The following TBX15 variants were observed in gnomAD, a reference collection of about 807,000 sequenced individuals.
The protein encoded by TBX15 is T-box transcription factor TBX15.
TBX15 carries 18 observed loss-of-function variants against 53.9 expected under a neutral mutation model. The ratio of observed to expected loss-of-function variants is 0.33; its 90% CI spans 0.23 to 0.49. TBX15 has a LOEUF of 0.49. TBX15 is among the 20% of genes least tolerant of loss of function. The pLI is 0.98. For missense variants in TBX15, 692 were observed against 749.5 expected (o/e 0.92, Z 0.90); for synonymous variants, 295 against 278.0 (o/e 1.06, Z -0.61).
chr1:118,887,119 G>T (rs562299378), intron 7 of TBX15, among the ~76,000 whole-genome samples: 1 of 152,308 alleles, frequency 6.6e-6, no homozygotes, highest in Non-Finnish European at 1.5e-5. Flanking sequence ...GGGCTGCGGG[G>T]CCCTTTATTT....
intron 1 of TBX15, among the ~76,000 whole-genome samples, chr1:118,943,970 C>T (rs900179710): frequency 2.6e-5 from 4 of 152,118 alleles, no homozygotes; most frequent in Non-Finnish European, 4.4e-5. Flanking sequence ...ACCTCATCCA[C>T]CATCCCACAC....
intron 1 of TBX15, among the ~76,000 whole-genome samples, chr1:118,954,155 C>T (rs576859925): frequency 1.7e-4 from 26 of 152,264 alleles, no homozygotes; most frequent in Admixed American, 2.6e-4. Flanking sequence ...GACTAAATAT[C>T]GCAAATCAAC....
intron 1 of TBX15, among the ~76,000 whole-genome samples, chr1:118,972,068 G>C (rs1657250991): frequency 6.6e-6 from 1 of 152,218 alleles, no homozygotes; most frequent in Non-Finnish European, 1.5e-5. Context: ...ACCTTTGAGA[G>C]TTGCAGAATA....
intron 7 of TBX15, 94 bp from the exon 8 acceptor site, chr1:118,885,610 G>T: frequency 6.8e-7 from 1 of 1,462,934 alleles, no homozygotes; most frequent in East Asian, 2.5e-5. Flanking sequence ...GCCTTCAAAT[G>T]TCCAAGATAG....
intron 7 of TBX15, among the ~76,000 whole-genome samples, chr1:118,897,721 G>A (rs1048767302): frequency 6.6e-6 from 1 of 152,074 alleles, no homozygotes; most frequent in African/African-American, 2.4e-5. Context: ...TTAAGCCCCT[G>A]TCTCTTAATG....
At chr1:118,961,825 C>T (rs1656886728) in intron 1 of TBX15, among the ~76,000 whole-genome samples, 1 of 152,206 alleles carries the variant, frequency 6.6e-6, no homozygotes, top group Non-Finnish European at 1.5e-5. Context: ...GATTAAGGCA[C>T]TATCCCTGTC....
chr1:118,968,027 A>G (rs1417623069), intron 1 of TBX15, among the ~76,000 whole-genome samples: 1 of 152,212 alleles, frequency 6.6e-6, no homozygotes, highest in African/African-American at 2.4e-5. Context: ...ATTCTCAGTT[A>G]TGACATTTGT....
intron 1 of TBX15, among the ~76,000 whole-genome samples, chr1:118,974,532 G>C (rs1410117824): frequency 6.6e-6 from 1 of 152,130 alleles, no homozygotes; most frequent in Non-Finnish European, 1.5e-5. Flanking sequence ...ACTTGGAGTG[G>C]AGAAAAAGTA....
Position 118,885,045 on chromosome 1 carries a change from C to T in TBX15, c.1496G>A (p.Ser499Asn). ...SSSSPHMFGG[S>N]HMQQSSYNAF... ...ATTGTAGGAGCTCTGCTGCATGTGG[C>T]TGCCCCCGAACATGTGTGGTGATGA... Residue 499 changes from serine to asparagine, a missense_variant, in exon 8 of 8, where the codon AGC becomes AAC. Coordinates refer to ENST00000369429, the MANE Select transcript of TBX15 (RefSeq NM_001330677.2). The T allele has an allele frequency of 6.2e-7, 1 of 1,614,146 alleles. No homozygotes were observed. Among genetic ancestry groups the T allele is most frequent in the Non-Finnish European group, 8.5e-7 (1 of 1,180,024 alleles).
At chr1:118,924,180 A>G (rs1230953713) in intron 4 of TBX15, among the ~76,000 whole-genome samples, 2 of 152,342 alleles carry the variant, frequency 1.3e-5, no homozygotes, top group Non-Finnish European at 2.9e-5. Context: ...TTTCACTGCC[A>G]AAGATAAATT....
intron 4 of TBX15, 99 bp downstream of exon 4, chr1:118,924,547 A>T: frequency 7.1e-7 from 1 of 1,415,236 alleles, no homozygotes; most frequent in Non-Finnish European, 1.0e-6. Flanking sequence ...TGGCATAGAG[A>T]TTCCTTATTT....
At chr1:118,982,547 T>G (rs1657682913) in intron 1 of TBX15, among the ~76,000 whole-genome samples, 1 of 152,236 alleles carries the variant, frequency 6.6e-6, no homozygotes, top group South Asian at 2.1e-4. Flanking sequence ...TTTACACTCA[T>G]GAAGCACATT....
intron 7 of TBX15, among the ~76,000 whole-genome samples, chr1:118,890,443 G>A (rs1266155052): frequency 6.6e-6 from 1 of 152,000 alleles, no homozygotes; most frequent in East Asian, 1.9e-4. Context: ...GCATCTGTAG[G>A]ATCTGTAGGA....
At chr1:118,987,180 G>A (rs1483529367) in intron 1 of TBX15, among the ~76,000 whole-genome samples, 1 of 152,196 alleles carries the variant, frequency 6.6e-6, no homozygotes, top group Non-Finnish European at 1.5e-5. Context: ...CGAAGACTGA[G>A]GTATTGGATT....
chr1:118,899,035 C>T lies in TBX15; in HGVS notation c.1017G>A (p.Lys339=). 11 of 1,613,572 alleles carry T rather than the reference C, an allele frequency of 6.8e-6. No individual in the cohort carries two copies. The highest frequency in any genetic ancestry group is 9.3e-6 in the Non-Finnish European group (11 of 1,179,712). The part of the protein sequence containing the change: ...LTFEDFTTMQ[K]QQGGSTGTSP... ...CTTGCTCCAGGGCTTTACCTTGCTGCTTCTGCATGGTGGTGAAGTCTTCGA... is the reference window on the plus strand; with the variant it reads ...CTTGCTCCAGGGCTTTACCTTGCTGTTTCTGCATGGTGGTGAAGTCTTCGA... Residue 339 remains lysine (K), a synonymous_variant, in exon 7 of 8, where the codon AAG becomes AAA. Coordinates refer to ENST00000369429, the MANE Select transcript of TBX15 (RefSeq NM_001330677.2).
In TBX15 at chr1:118,885,107, C is replaced by T. The variant is rs2101421185; in HGVS notation, c.1434G>A (p.Gln478=). ...CAGCATTGCCTGCCTGCATGACATACTGAAACTGGGAAGTGGGAAAGGACC... is the reference window on the plus strand; with the variant it reads ...CAGCATTGCCTGCCTGCATGACATATTGAAACTGGGAAGTGGGAAAGGACC... The part of the protein sequence containing the change: ...QLGSFPTSQF[Q]YVMQAGNAAS... The change falls in exon 8 of 8, where the codon CAG becomes CAA. Residue 478 remains glutamine, a synonymous_variant. Coordinates refer to ENST00000369429, the MANE Select transcript of TBX15 (RefSeq NM_001330677.2). 6.2e-7 allele frequency: 1 copy of T among 1,614,196 alleles called. No homozygotes were observed. Among genetic ancestry groups the T allele is most frequent in the East Asian group, 2.2e-5 (1 of 44,866 alleles).
At chr1:118,919,520 G>A (rs1242817920) in intron 5 of TBX15, among the ~76,000 whole-genome samples, 1 of 152,120 alleles carries the variant, frequency 6.6e-6, no homozygotes, top group Non-Finnish European at 1.5e-5. Context: ...ATGGAAAATG[G>A]GGAAAGAAAA....
chr1:118,893,617 G>GAAAGAGAGAAAGAAAGAA lies in TBX15; in HGVS notation c.1024+5410_1024+5411insTTCTTTCTTTCTCTCTTT, dbSNP rs1354805382. On this transcript the variant is annotated intron_variant, in intron 7 of 7. Transcript: ENST00000369429. ...AAGGAAGGAAAGAAAGAAAGAAAGA[G>GAAAGAGAGAAAGAAAGAA]AGAGAGAAAGAAAAAGAAAGAAAGA... Among the ~76,000 whole-genome samples the GAAAGAGAGAAAGAAAGAA allele has an allele frequency of 1.1e-3, 112 of 106,366 alleles. 6 individuals carry two copies. Among genetic ancestry groups the GAAAGAGAGAAAGAAAGAA allele is most frequent in the African/African-American group, 4.5e-3 (111 of 24,514 alleles). 69.8% of individuals were successfully genotyped at this position (106,366 alleles called of 152,430 possible). A position where few individuals can be genotyped will look rare whatever the true frequency, so the allele number is the denominator to read the frequency against.
At chr1:118,907,372 C>A (rs1359782005) in intron 6 of TBX15, among the ~76,000 whole-genome samples, 1 of 152,194 alleles carries the variant, frequency 6.6e-6, no homozygotes, top group African/African-American at 2.4e-5. Context: ...AGACCACAAC[C>A]TTAATAATCT....
Sources: allele counts gnomAD v4.1 joint callset (sites outside exome capture counted in the v4.1 genomes callset), GRCh38; gene constraint gnomAD v4.1.1; transcripts MANE v1.5; gene names NCBI Gene and HGNC (gene_info 2026-07-23, HGNC 2026-07-21).